Variants in ZDHHC15 observed in about 807,000 individuals in gnomAD.
The protein encoded by ZDHHC15 is zDHHC palmitoyltransferase 15.
ZDHHC15 carries 19 observed loss-of-function variants against 31.7 expected under a neutral mutation model. The ratio of observed to expected loss-of-function variants is 0.60; its 90% CI spans 0.42 to 0.88. ZDHHC15 has a LOEUF of 0.88. Ranked by LOEUF, ZDHHC15 falls within the 40% of genes least tolerant of loss-of-function variation. The pLI, the probability that ZDHHC15 is intolerant of heterozygous loss-of-function variation, is 0.00. For synonymous variants in ZDHHC15, 103 were observed against 90.0 expected, an observed-to-expected ratio of 1.14 and a Z score of -0.82; for missense variants, 209 against 251.2, an observed-to-expected ratio of 0.83 and a Z score of 1.14.
chrX:75,513,879 A>AAC (rs1491384497), intron 1 of ZDHHC15, among the ~76,000 whole-genome samples: 2 of 75,964 alleles, frequency 2.6e-5, no homozygotes, highest in African/African-American at 4.3e-5. Context: ...TTTACATAAC[A>AAC]AAAAAAAAAC....
At chrX:75,481,454 A>T (rs969571446) in intron 2 of ZDHHC15, among the ~76,000 whole-genome samples, 16 of 111,908 alleles carry the variant, frequency 1.4e-4, no homozygotes, top group African/African-American at 5.2e-4. Context: ...CAACTGGTTC[A>T]ATCACGGAAT....
At chrX:75,387,950 T>C (rs954150002) in intron 10 of ZDHHC15, among the ~76,000 whole-genome samples, 2 of 111,617 alleles carry the variant, frequency 1.8e-5, no homozygotes, top group Non-Finnish European at 3.8e-5. Flanking sequence ...AAGATGTGCA[T>C]AACATATAAA....
At chrX:75,374,027 T>C (rs1162833555) in intron 11 of ZDHHC15, among the ~76,000 whole-genome samples, 2 of 100,790 alleles carry the variant, frequency 2.0e-5, no homozygotes, top group Non-Finnish European at 4.0e-5. Context: ...ATCATCATTC[T>C]ACTCTCTAAC....
intron 4 of ZDHHC15, among the ~76,000 whole-genome samples, chrX:75,441,244 G>T (rs1429378156): frequency 8.9e-6 from 1 of 111,867 alleles, no homozygotes; most frequent in Non-Finnish European, 1.9e-5. Flanking sequence ...AAGCTCAGCT[G>T]TGAGTTTCCT....
At chrX:75,416,233 A>G (rs2083546735) in intron 10 of ZDHHC15, among the ~76,000 whole-genome samples, 1 of 111,484 alleles carries the variant, frequency 9.0e-6, no homozygotes, top group Non-Finnish European at 1.9e-5. Flanking sequence ...CCAACTGGGT[A>G]AAAAATTAGA....
intron 3 of ZDHHC15, among the ~76,000 whole-genome samples, chrX:75,459,512 C>T (rs2084278608): frequency 9.0e-6 from 1 of 111,358 alleles, no homozygotes; most frequent in Non-Finnish European, 1.9e-5. Flanking sequence ...GGAGGAAGGA[C>T]CCCCCAACAG....
chrX:75,480,599 T>G (rs1385811269), intron 2 of ZDHHC15, among the ~76,000 whole-genome samples: 5 of 111,264 alleles, frequency 4.5e-5, no homozygotes, highest in Non-Finnish European at 9.4e-5. Context: ...GACTTTGTTG[T>G]GTATCCTTTA....
rs746404890 is a variant in ZDHHC15, at chrX:75,416,746, G to T, written c.967+341C>A. On this transcript the variant is annotated intron_variant, in intron 10 of 11. Coordinates refer to ENST00000373367, the MANE Select transcript of ZDHHC15 (RefSeq NM_144969.3). ...TGTGAATGAAAGAGGATGGAGAAAG[G>T]TGCAATGTTGCCCATTGATTAAATT... Among the ~76,000 whole-genome samples the T allele has an allele frequency of 4.5e-5, 5 of 111,652 alleles. No individual in the cohort carries two copies. In the South Asian group the frequency reaches 1.5e-3, roughly 34 times the overall value.
chrX:75,434,518 T>C (rs778109491), intron 4 of ZDHHC15, among the ~76,000 whole-genome samples: 1 of 112,239 alleles, frequency 8.9e-6, no homozygotes, highest in East Asian at 2.8e-4. Flanking sequence ...TTTTTGTATA[T>C]GGTGATAAAT....
chrX:75,517,480 C>T (rs1006537386), intron 1 of ZDHHC15, among the ~76,000 whole-genome samples: 10 of 105,940 alleles, frequency 9.4e-5, no homozygotes, highest in African/African-American at 1.8e-4. Flanking sequence ...AGCAAACTAT[C>T]GCAAGGACAG....
chrX:75,420,199 A>T (rs192843735), intron 9 of ZDHHC15, among the ~76,000 whole-genome samples: 24 of 111,841 alleles, frequency 2.1e-4, no homozygotes, highest in South Asian at 1.5e-3. Flanking sequence ...CAAACATATT[A>T]AAAAAAGCCC....
At chrX:75,418,018 T>C (rs1285472995) in intron 9 of ZDHHC15, among the ~76,000 whole-genome samples, 2 of 112,291 alleles carry the variant, frequency 1.8e-5, no homozygotes, top group African/African-American at 3.2e-5. Context: ...TGATTATAAA[T>C]GAATGGGCTT....
At chrX:75,481,495 C>A (rs1411407973) in intron 2 of ZDHHC15, among the ~76,000 whole-genome samples, 1 of 111,923 alleles carries the variant, frequency 8.9e-6, no homozygotes, top group African/African-American at 3.2e-5. Context: ...TCCTACATTA[C>A]AAGGTTTCAT....
chrX:75,413,532 G>T (rs1429400978), intron 10 of ZDHHC15, among the ~76,000 whole-genome samples: 1 of 110,783 alleles, frequency 9.0e-6, no homozygotes, highest in Non-Finnish European at 1.9e-5. Flanking sequence ...AGGCATGGTG[G>T]CGCATGCCTA....
chrX:75,443,791 T>C (rs188861773), intron 4 of ZDHHC15, among the ~76,000 whole-genome samples: 1 of 111,275 alleles, frequency 9.0e-6, no homozygotes, highest in African/African-American at 3.3e-5. Context: ...AACAACCCCA[T>C]CAAAAAGTGG....
At position 75,440,739 on chromosome X, in the gene ZDHHC15, C is replaced by T. The variant is rs141545955; in HGVS notation, c.380-9219G>A. ...TGGTTTCTCAGGCAATGGGCAGGGA[C>T]ATAGAACTCCCAAGAGATTTCATCT... On this transcript the variant is annotated intron_variant, in intron 4 of 11. Coordinates refer to ENST00000373367, the MANE Select transcript of ZDHHC15 (RefSeq NM_144969.3). 7.6e-3 allele frequency among the ~76,000 whole-genome samples: 850 copies of T among 111,692 alleles called. 9 individuals carry two copies. Among genetic ancestry groups the T allele is most frequent in the African/African-American group, 0.027 (819 of 30,725 alleles).
chrX:75,391,761 C>A (rs2083244651), intron 10 of ZDHHC15, among the ~76,000 whole-genome samples: 1 of 111,780 alleles, frequency 8.9e-6, no homozygotes, highest in Admixed American at 9.5e-5. Context: ...GCAAAAAATA[C>A]AAATTTGAAG....
chrX:75,440,206 G>A (rs1407946035), intron 4 of ZDHHC15, among the ~76,000 whole-genome samples: 3 of 112,121 alleles, frequency 2.7e-5, no homozygotes, highest in Non-Finnish European at 5.6e-5. Context: ...TAGCCAGGAT[G>A]TCCCAGGCAG....
At chrX:75,464,678 T>C (rs1269870089) in intron 3 of ZDHHC15, among the ~76,000 whole-genome samples, 1 of 111,549 alleles carries the variant, frequency 9.0e-6, no homozygotes, top group African/African-American at 3.3e-5. Flanking sequence ...ATAAATGTGA[T>C]TTATCATATA....
Sources: allele counts gnomAD v4.1 joint callset (sites outside exome capture counted in the v4.1 genomes callset), GRCh38; gene constraint gnomAD v4.1.1; transcripts MANE v1.5; gene names NCBI Gene and HGNC (gene_info 2026-07-23, HGNC 2026-07-21).